MIR2052HG: variants seen among roughly 807,000 people sequenced by gnomAD.
MIR2052HG encodes the protein MIR2052 host gene.
At chr8:74,660,806 A>T (rs562226017) in intron 2 of MIR2052HG, among the ~76,000 whole-genome samples, 75 of 115,178 alleles carry the variant, frequency 6.5e-4, no homozygotes, top group Non-Finnish European at 1.2e-3. Flanking sequence ...AAGAGCCCTG[A>T]AATATTCCAT....
intron 4 of MIR2052HG, among the ~76,000 whole-genome samples, chr8:74,708,596 A>G (rs1164138992): frequency 6.6e-6 from 1 of 152,110 alleles, no homozygotes; most frequent in African/African-American, 2.4e-5. Flanking sequence ...CTCACTCGTT[A>G]AATGAAAGCA....
chr8:74,756,800 G>C (rs1277915635), intron 5 of MIR2052HG: 1 of 152,178 alleles, frequency 6.6e-6, no homozygotes, highest in Non-Finnish European at 1.5e-5. Context: ...GAAAAAATAT[G>C]TGTTGCCTTT....
chr8:74,638,091 C>T (rs1004255511), intron 2 of MIR2052HG, among the ~76,000 whole-genome samples: 7 of 152,034 alleles, frequency 4.6e-5, no homozygotes, highest in Non-Finnish European at 8.8e-5. Flanking sequence ...AATCAGTGTA[C>T]ACATTCCTGA....
intron 2 of MIR2052HG, among the ~76,000 whole-genome samples, chr8:74,660,535 T>C (rs1808850680): frequency 6.6e-6 from 1 of 152,178 alleles, no homozygotes; most frequent in South Asian, 2.1e-4. Flanking sequence ...AAATTACCAG[T>C]AAAATATTTT....
chr8:74,628,306 T>C (rs546495346), intron 2 of MIR2052HG, among the ~76,000 whole-genome samples: 1 of 152,236 alleles, frequency 6.6e-6, no homozygotes, highest in African/African-American at 2.4e-5. Context: ...TTCAAGGGCT[T>C]GGATGGTCCA....
In MIR2052HG at chr8:74,730,439, G is replaced by A. The variant is rs1030379602; in HGVS notation, n.372-22002G>A. Among the ~76,000 whole-genome samples, 28 of 152,104 alleles carry A rather than the reference G, an allele frequency of 1.8e-4. 1 individual carries two copies. The highest frequency in any genetic ancestry group is 1.4e-3 in the Admixed American group (21 of 15,274). On this transcript the variant is annotated intron_variant and non_coding_transcript_variant, in intron 4 of 6. Transcript: ENST00000523442. ...GTTCATAAGAAAAAGAACATAGTAC[G>A]TAAATGCACACAGACATTGAACATG...
chr8:74,741,723 T>C (rs1362543781), intron 4 of MIR2052HG, among the ~76,000 whole-genome samples: 1 of 152,114 alleles, frequency 6.6e-6, no homozygotes, highest in East Asian at 1.9e-4. Context: ...TTAGGTAACA[T>C]ACATAATCTC....
At chr8:74,630,029 G>A (rs962868007) in intron 2 of MIR2052HG, among the ~76,000 whole-genome samples, 1 of 152,088 alleles carries the variant, frequency 6.6e-6, no homozygotes, top group African/African-American at 2.4e-5. Context: ...ATAATTACAG[G>A]CACAGAAAAG....
chr8:74,753,728 T>C (rs770339885), intron 5 of MIR2052HG, among the ~76,000 whole-genome samples: 3 of 152,190 alleles, frequency 2.0e-5, no homozygotes, highest in Non-Finnish European at 2.9e-5. Flanking sequence ...CATTCAATCA[T>C]CTCCCATGCC....
chr8:74,710,531 G>T (rs1406679323), intron 4 of MIR2052HG, among the ~76,000 whole-genome samples: 1 of 152,064 alleles, frequency 6.6e-6, no homozygotes, highest in African/African-American at 2.4e-5. Flanking sequence ...ACATTTTAAG[G>T]TACTTAAAAA....
rs1808402741 is a variant in MIR2052HG, at chr8:74,624,053, C to T, written n.216+11113C>T. ...TTCCAAAAGCTATTTATGGCATGAC[C>T]AAAAAGAGCCAGCTTGTAATATTTT... is the stretch of plus-strand genomic sequence containing the variant. On this transcript the variant is annotated intron_variant and non_coding_transcript_variant, in intron 2 of 6. Transcript: ENST00000523442. Among the ~76,000 whole-genome samples, 3 of 152,048 alleles carry T rather than the reference C, an allele frequency of 2.0e-5. No homozygotes were observed. In the South Asian group the frequency reaches 6.2e-4, roughly 31 times the overall value.
chr8:74,652,979 A>C lies in MIR2052HG; in HGVS notation n.216+40039A>C, dbSNP rs138816753. On this transcript the variant is annotated intron_variant and non_coding_transcript_variant, in intron 2 of 6. Transcript: ENST00000523442. The stretch of plus-strand genomic sequence containing the variant: ...TAGTTAGCATGCCATAACAAATTCC[A>C]CTTGATTAGTAGAATTCACAATTCA... 1.8e-4 allele frequency among the ~76,000 whole-genome samples: 27 copies of C among 152,324 alleles called. No homozygotes were observed. In the East Asian group the frequency reaches 5.2e-3, roughly 29 times the overall value.
In MIR2052HG at chr8:74,683,633, A is replaced by G. The variant is rs536626023; in HGVS notation, n.217-18746A>G. 2.0e-5 allele frequency among the ~76,000 whole-genome samples: 3 copies of G among 152,234 alleles called. No individual in the cohort carries two copies. The East Asian group carries it at 5.8e-4, about 29-fold the overall frequency. On this transcript the variant is annotated intron_variant and non_coding_transcript_variant, in intron 2 of 6. Transcript: ENST00000523442. ...TAATGTTCCTTTTGATTTAAAGATA[A>G]TACTGGTGCCATTCTTTGTATCTTA...
At chr8:74,658,617 C>T (rs559821760) in intron 2 of MIR2052HG, among the ~76,000 whole-genome samples, 1 of 152,266 alleles carries the variant, frequency 6.6e-6, no homozygotes, top group East Asian at 1.9e-4. Context: ...AACTCCTGAC[C>T]TCAAGTGATC....
chr8:74,738,337 A>G (rs1247472851), intron 4 of MIR2052HG, among the ~76,000 whole-genome samples: 6 of 152,178 alleles, frequency 3.9e-5, no homozygotes, highest in Non-Finnish European at 8.8e-5. Flanking sequence ...ATGCTGGCTC[A>G]CAAGGCTTCC....
chr8:74,635,330 C>G (rs1360841313), intron 2 of MIR2052HG, among the ~76,000 whole-genome samples: 1 of 151,310 alleles, frequency 6.6e-6, no homozygotes, highest in Non-Finnish European at 1.5e-5. Context: ...TGAAGTTTGT[C>G]AGGTGTCTAG....
intron 2 of MIR2052HG, among the ~76,000 whole-genome samples, chr8:74,636,502 C>T (rs559943949): frequency 4.6e-5 from 7 of 152,154 alleles, no homozygotes; most frequent in Non-Finnish European, 5.9e-5. Flanking sequence ...TAGCTCAAAG[C>T]GCGAATCCAA....
intron 2 of MIR2052HG, among the ~76,000 whole-genome samples, chr8:74,685,963 A>T (rs941692041): frequency 1.3e-5 from 2 of 152,020 alleles, no homozygotes; most frequent in African/African-American, 4.8e-5. Context: ...CATCTAGGTG[A>T]TGAGAGTTGA....
At chr8:74,672,337 G>C (rs557755374) in intron 2 of MIR2052HG, among the ~76,000 whole-genome samples, 8 of 152,030 alleles carry the variant, frequency 5.3e-5, no homozygotes, top group African/African-American at 1.9e-4. Flanking sequence ...GTACATTGCT[G>C]TGTAGGTAGT....
Sources: allele counts gnomAD v4.1 joint callset (sites outside exome capture counted in the v4.1 genomes callset), GRCh38; gene constraint gnomAD v4.1.1; transcripts MANE v1.5; gene names NCBI Gene and HGNC (gene_info 2026-07-23, HGNC 2026-07-21).